The following NOX4 variants were observed in gnomAD, a reference collection of about 807,000 sequenced individuals.
The protein encoded by NOX4 is NADPH oxidase 4.
A neutral mutation model predicts 87.6 loss-of-function variants in NOX4; 69 were observed. The observed-to-expected ratio is 0.79, with a 90% CI of 0.65 to 0.96. NOX4 has a LOEUF of 0.96. NOX4 is among the 40% of genes least tolerant of loss of function. The pLI is 0.00. For synonymous variants in NOX4, 275 were observed against 238.2 expected, an observed-to-expected ratio of 1.15 and a Z score of -1.42; for missense variants, 680 against 681.5, an observed-to-expected ratio of 1.00 and a Z score of 0.02.
Position 89,440,726 on chromosome 11 carries a change from G to GAA in NOX4, c.448-13_448-12dup. The GAA allele has an allele frequency of 3.5e-6, 5 of 1,448,272 alleles. No homozygotes were observed. Among genetic ancestry groups the GAA allele is most frequent in the Non-Finnish European group, 4.7e-6 (5 of 1,055,926 alleles). 89.7% of individuals were successfully genotyped at this position (1,448,272 alleles called of 1,614,324 possible). On this transcript the variant is annotated splice_polypyrimidine_tract_variant and intron_variant, in intron 5 of 17. Transcript: ENST00000263317. ...AAGTTTTCTAGGATCCTGAGAAAAA[G>GAA]AAAAAAAAATAAATGATTAAAAACT...
the NOX4 span, chr11:89,545,683 A>G: frequency 1.3e-5 from 2 of 150,856 alleles, no homozygotes; most frequent in East Asian, 2.0e-4. Flanking sequence ...TAAATACTCA[A>G]ATTTGGATAG....
chr11:89,469,141 C>A (rs2135437451), intron 2 of NOX4, among the ~76,000 whole-genome samples: 1 of 152,244 alleles, frequency 6.6e-6, no homozygotes, highest in East Asian at 1.9e-4. Context: ...TACAAACTAC[C>A]TGTTTTGGCA....
chr11:89,373,462 C>A lies in NOX4; in HGVS notation c.1105G>T (p.Val369Phe), dbSNP rs765662279. ...CPTETKATFGVHLKIVGDWTE... is the reference protein window; with the variant it reads ...CPTETKATFGFHLKIVGDWTE... Reference sequence around the variant, plus strand: ...CAGTCTCCTACTATTTTAAGATGAACCCCAAATGTTGCTTTGGTTTCAGTT... The same window carrying A: ...CAGTCTCCTACTATTTTAAGATGAAACCCAAATGTTGCTTTGGTTTCAGTT... Residue 369 changes from valine to phenylalanine, a missense_variant, in exon 12 of 18, where the codon GTT becomes TTT. Transcript: ENST00000263317. 1.2e-5 allele frequency: 19 copies of A among 1,597,840 alleles called. No individual in the cohort carries two copies. The highest frequency in any genetic ancestry group is 1.1e-5 in the South Asian group (1 of 90,306).
At chr11:89,368,416 G>T (rs747090855) in intron 12 of NOX4, among the ~76,000 whole-genome samples, 1 of 152,034 alleles carries the variant, frequency 6.6e-6, no homozygotes, top group Non-Finnish European at 1.5e-5. Context: ...AGTTCTAAAG[G>T]CTGGGAAGTA....
the NOX4 span, among the ~76,000 whole-genome samples, chr11:89,520,520 T>C: frequency 6.6e-6 from 1 of 152,136 alleles, no homozygotes; most frequent in Admixed American, 6.6e-5. Context: ...AACTTTTGAA[T>C]GTGGATCTTT....
the NOX4 span, among the ~76,000 whole-genome samples, chr11:89,544,545 C>G: frequency 6.6e-6 from 1 of 152,140 alleles, no homozygotes; most frequent in Admixed American, 6.6e-5. Context: ...AGCATTGTAT[C>G]TTAACATACT....
chr11:89,334,333 A>G lies in NOX4; in HGVS notation c.1616+1512T>C, dbSNP rs529533431. 2.6e-5 allele frequency among the ~76,000 whole-genome samples: 4 copies of G among 151,886 alleles called. No individual in the cohort carries two copies. In the East Asian group the frequency reaches 5.8e-4, roughly 22 times the overall value. ...TTTTTTCTAAATTTCAACTCTGAAT[A>G]TTACAAAAAAGTTCTGCTTTGTAAA... is the stretch of plus-strand genomic sequence containing the variant. On this transcript the variant is annotated intron_variant, in intron 17 of 17. Coordinates refer to ENST00000263317, the MANE Select transcript of NOX4 (RefSeq NM_016931.5).
At chr11:89,416,548 A>G (rs889242813) in intron 8 of NOX4, among the ~76,000 whole-genome samples, 2 of 152,154 alleles carry the variant, frequency 1.3e-5, no homozygotes, top group Non-Finnish European at 2.9e-5. Context: ...GCCCGAGGCC[A>G]TAATAGAGGG....
the NOX4 span, among the ~76,000 whole-genome samples, chr11:89,508,825 G>A: frequency 9.9e-5 from 15 of 152,070 alleles, no homozygotes; most frequent in Non-Finnish European, 1.5e-4. Context: ...GAAAGGTGAA[G>A]CCACTTGTCA....
intron 2 of NOX4, among the ~76,000 whole-genome samples, chr11:89,462,923 A>T (rs775881368): frequency 1.3e-5 from 2 of 151,990 alleles, no homozygotes; most frequent in Non-Finnish European, 2.9e-5. Flanking sequence ...AATCTTTTGC[A>T]GGAAGAGAGA....
At chr11:89,438,903 ATAATAT>A (rs1944317160) in intron 6 of NOX4, among the ~76,000 whole-genome samples, 1 of 28,986 alleles carries the variant, frequency 3.4e-5, no homozygotes, top group African/African-American at 1.1e-4. Flanking sequence ...TATTATATAT[ATAATAT>A]ATAATATAAA....
At chr11:89,570,842 A>T in the NOX4 span, among the ~76,000 whole-genome samples, 1 of 152,302 alleles carries the variant, frequency 6.6e-6, no homozygotes, top group African/African-American at 2.4e-5. Context: ...AAACAAACAA[A>T]TAGTATGGTT....
the NOX4 span, among the ~76,000 whole-genome samples, chr11:89,527,793 A>C: frequency 6.6e-6 from 1 of 152,076 alleles, no homozygotes; most frequent in Non-Finnish European, 1.5e-5. Context: ...CTCATGAAGA[A>C]CCTCTGCTAG....
upstream of NOX4, among the ~76,000 whole-genome samples, chr11:89,493,719 G>GTTT (rs141832218): frequency 0.027 from 3,569 of 132,094 alleles, 80 homozygotes; most frequent in Middle Eastern, 0.037. Context: ...AAGCCAGATT[G>GTTT]TTTTATTATT....
At chr11:89,463,383 T>C (rs924986255) in intron 2 of NOX4, among the ~76,000 whole-genome samples, 3 of 152,024 alleles carry the variant, frequency 2.0e-5, no homozygotes, top group Non-Finnish European at 2.9e-5. Flanking sequence ...TCTGTTGTTG[T>C]CTGGTACAAT....
At chr11:89,573,772 G>T in the NOX4 span, among the ~76,000 whole-genome samples, 57 of 152,328 alleles carry the variant, frequency 3.7e-4, no homozygotes, top group East Asian at 9.5e-3. Flanking sequence ...AAGAACAAGT[G>T]TCGCATTCAG....
chr11:89,488,961 C>A, intron 2 of NOX4: 1 of 700,764 alleles, frequency 1.4e-6, no homozygotes, highest in Non-Finnish European at 2.6e-6. Context: ...TCTCTGGGTG[C>A]CCATCTGAAA....
At chr11:89,328,764 T>G (rs1945323960) in intron 17 of NOX4, among the ~76,000 whole-genome samples, 2 of 152,144 alleles carry the variant, frequency 1.3e-5, no homozygotes, top group South Asian at 2.1e-4. Flanking sequence ...GGAGGCAATT[T>G]AAGTTAAAAT....
At chr11:89,565,350 C>T in the NOX4 span, among the ~76,000 whole-genome samples, 3 of 151,938 alleles carry the variant, frequency 2.0e-5, no homozygotes, top group African/African-American at 7.3e-5. Context: ...TACCTTGCAC[C>T]AACATCCTTG....
Sources: gnomAD v4.1 joint callset for allele counts (sites outside exome capture counted in the v4.1 genomes callset) on GRCh38, gnomAD v4.1.1 for gene constraint, MANE v1.5 for transcripts, NCBI Gene and HGNC (gene_info 2026-07-23, HGNC 2026-07-21) for gene names.